PCNX4: variants seen among roughly 807,000 people sequenced by gnomAD.
PCNX4 encodes the protein pecanex 4, also known as pecanex-like protein 4.
PCNX4 carries 103 observed loss-of-function variants against 107.2 expected under a neutral mutation model. The ratio of observed to expected loss-of-function variants is 0.96; its 90% CI spans 0.82 to 1.13. PCNX4 has a LOEUF of 1.13. Ranked by LOEUF, PCNX4 falls within the 50% of genes most tolerant of loss-of-function variation. The pLI, the probability that PCNX4 is intolerant of heterozygous loss-of-function variation, is 0.00. For synonymous variants in PCNX4, 541 were observed against 481.7 expected (o/e 1.12, Z -1.61); for missense variants, 1,528 against 1,379.4 (o/e 1.11, Z -1.71).
rs566983215 is a variant in PCNX4, at chr14:60,098,448, A to G, written c.-54+6029A>G. On this transcript the variant is annotated intron_variant, in intron 1 of 10. Coordinates refer to ENST00000406854, the MANE Select transcript of PCNX4 (RefSeq NM_001330177.2). ...AACTTACACTGTGACCTTACAAAAC[A>G]CTCTTATTCAAAAACCCTCCAAAAG... is the stretch of plus-strand genomic sequence containing the variant. Among the ~76,000 whole-genome samples, 6 of 152,116 alleles carry G rather than the reference A, an allele frequency of 3.9e-5. No homozygotes were observed. The South Asian group carries it at 1.2e-3, about 32-fold the overall frequency.
chr14:60,121,815 C>G (rs1379209989), intron 8 of PCNX4, among the ~76,000 whole-genome samples: 1 of 152,142 alleles, frequency 6.6e-6, no homozygotes, highest in African/African-American at 2.4e-5. Context: ...GTCAAGGTCT[C>G]TAGTGACTGG....
chr14:60,101,866 G>C (rs1895538671), intron 1 of PCNX4, among the ~76,000 whole-genome samples: 1 of 151,986 alleles, frequency 6.6e-6, no homozygotes, highest in Non-Finnish European at 1.5e-5. Flanking sequence ...AAGAAAATGT[G>C]GTATAGACAT....
chr14:60,147,487 TTAAA>T lies in PCNX4; in HGVS notation c.*13269_*13272del, dbSNP rs1239763124. On this transcript the variant is annotated 3_prime_UTR_variant, in exon 11 of 11. Coordinates refer to ENST00000406854, the MANE Select transcript of PCNX4 (RefSeq NM_001330177.2). ...ATATTAGATCATCACAATGTATACC[TTAAA>T]TATATATAATTTTTATGTGTCAATT... is the stretch of plus-strand genomic sequence containing the variant. 3.3e-5 allele frequency: 5 copies of T among 152,170 alleles called. No homozygotes were observed. The highest frequency in any genetic ancestry group is 1.2e-4 in the African/African-American group (5 of 41,444). The allele number at this position is 152,170 out of a possible 1,614,324, so 9.4% of individuals were successfully genotyped here. A position where few individuals can be genotyped will look rare whatever the true frequency, so the allele number is the denominator to read the frequency against.
intron 2 of PCNX4, among the ~76,000 whole-genome samples, chr14:60,114,434 C>A (rs1202484222): frequency 6.6e-6 from 1 of 152,192 alleles, no homozygotes; most frequent in African/African-American, 2.4e-5. Flanking sequence ...ATTACTTCCT[C>A]CTCCTTTGCA....
At position 60,146,345 on chromosome 14, in the gene PCNX4, G is replaced by A. The variant is rs1389871633; in HGVS notation, c.*12124G>A. 1 of 151,798 alleles carries A rather than the reference G, an allele frequency of 6.6e-6. No individual in the cohort carries two copies. The highest frequency in any genetic ancestry group is 1.5e-5 in the Non-Finnish European group (1 of 67,958). The allele number at this position is 151,798 out of a possible 1,614,324, so 9.4% of individuals were successfully genotyped here. ...ATTTCTGGAAGTACTACTACAGTGGGACTGAAATTCTCTAGTCCCTGGTCC... is the reference window on the plus strand; with the variant it reads ...ATTTCTGGAAGTACTACTACAGTGGAACTGAAATTCTCTAGTCCCTGGTCC... On this transcript the variant is annotated 3_prime_UTR_variant, in exon 11 of 11. Transcript: ENST00000406854. The surrounding 1 kb of genome is among the most constrained non-coding windows in gnomAD (Gnocchi z 4.9).
Position 60,144,270 on chromosome 14 carries a change from G to A in PCNX4, c.*10049G>A, listed in dbSNP as rs1437896880. 7.2e-5 allele frequency: 11 copies of A among 152,088 alleles called. No individual in the cohort carries two copies. The highest frequency in any genetic ancestry group is 1.6e-4 in the Non-Finnish European group (11 of 68,022). The allele number at this position is 152,088 out of a possible 1,614,324, so 9.4% of individuals were successfully genotyped here. A position where few individuals can be genotyped will look rare whatever the true frequency, so the allele number is the denominator to read the frequency against. On this transcript the variant is annotated 3_prime_UTR_variant, in exon 11 of 11. Transcript: ENST00000406854. ...TCATTTCAAATACTTCTTTATATCT[G>A]GTCATTACCCAGCACTCTGCTTTGT...
At position 60,145,221 on chromosome 14, in the gene PCNX4, T is replaced by C; in HGVS notation, c.*11000T>C. The C allele has an allele frequency of 2.4e-6, 1 of 411,856 alleles. No homozygotes were observed. The highest frequency in any genetic ancestry group is 4.2e-6 in the Non-Finnish European group (1 of 236,634). The allele number at this position is 411,856 out of a possible 1,614,324, so 25.5% of individuals were successfully genotyped here. A position where few individuals can be genotyped will look rare whatever the true frequency, so the allele number is the denominator to read the frequency against. Reference sequence around the variant, plus strand: ...AAAAGTACTTCTAATGAGTTTAGCATCATCTCTGGTTTAGAGGAGGTATAA... The same window carrying C: ...AAAAGTACTTCTAATGAGTTTAGCACCATCTCTGGTTTAGAGGAGGTATAA... On this transcript the variant is annotated 3_prime_UTR_variant, in exon 11 of 11. Transcript: ENST00000406854. The surrounding 1 kb of genome is among the most constrained non-coding windows in gnomAD (Gnocchi z 4.0).
At chr14:60,119,530 A>T (rs888732709) in intron 7 of PCNX4, among the ~76,000 whole-genome samples, 1 of 152,206 alleles carries the variant, frequency 6.6e-6, no homozygotes, top group Non-Finnish European at 1.5e-5. Context: ...ATTATGTGAG[A>T]TGATTTATGA....
intron 7 of PCNX4, among the ~76,000 whole-genome samples, chr14:60,120,296 G>A (rs1342702630): frequency 2.0e-5 from 3 of 152,146 alleles, no homozygotes; most frequent in Non-Finnish European, 2.9e-5. Flanking sequence ...CAATGCCCAG[G>A]GCTTTTACTG....
chr14:60,121,828 C>G (rs1300022306), intron 8 of PCNX4, among the ~76,000 whole-genome samples: 1 of 152,172 alleles, frequency 6.6e-6, no homozygotes, highest in Non-Finnish European at 1.5e-5. Context: ...GTGACTGGCA[C>G]ATTGCTAAGT....
At chr14:60,123,413 C>T (rs1317498197) in intron 8 of PCNX4, among the ~76,000 whole-genome samples, 1 of 152,020 alleles carries the variant, frequency 6.6e-6, no homozygotes, top group Non-Finnish European at 1.5e-5. Context: ...GGGTAGGTGA[C>T]CTGCTCAAGT....
At chr14:60,108,639 A>G (rs1895676873) in intron 2 of PCNX4, 2 of 196,106 alleles carry the variant, frequency 1.0e-5, no homozygotes, top group Admixed American at 1.2e-4. Flanking sequence ...GTGTAAGGAG[A>G]TGGAACTTTC....
rs76138981 is a variant in PCNX4 at position 60,121,993 on chromosome 14, A to T, written c.2046+694A>T. Among the ~76,000 whole-genome samples, 467 of 152,300 alleles carry T rather than the reference A, an allele frequency of 3.1e-3. 4 individuals are homozygous for T. The highest frequency in any genetic ancestry group is 0.011 in the African/African-American group (447 of 41,570). On this transcript the variant is annotated intron_variant, in intron 8 of 10. Transcript: ENST00000406854. ...TTAACACAAGGGTGTCCCAGAGCCT[A>T]GTAGTCCTTGCTGACAACTCTGTCC... is the stretch of plus-strand genomic sequence containing the variant.
chr14:60,118,670 T>C lies in PCNX4; in HGVS notation c.1920T>C (p.Thr640=). 1 of 1,579,438 alleles carries C rather than the reference T, an allele frequency of 6.3e-7. No individual in the cohort carries two copies. The highest frequency in any genetic ancestry group is 8.6e-7 in the Non-Finnish European group (1 of 1,158,330). ...MVPRLTAVLQ[T]AMAAGSLGLL... is the part of the protein sequence containing the mutation. ...CCAGGTTGACTGCTGTACTGCAGAC[T>C]GCAATGGCAGCTGGAAGTTTAGGTA... is the stretch of plus-strand genomic sequence containing the variant. Residue 640 remains threonine (T), a synonymous_variant, in exon 7 of 11, where the codon ACT becomes ACC. Coordinates refer to ENST00000406854, the MANE Select transcript of PCNX4 (RefSeq NM_001330177.2).
intron 1 of PCNX4, among the ~76,000 whole-genome samples, chr14:60,097,526 A>T (rs764629816): frequency 1.2e-4 from 18 of 152,236 alleles, no homozygotes; most frequent in Non-Finnish European, 2.1e-4. Context: ...TAGCAGGAAT[A>T]ACTGTTACTA....
At chr14:60,105,603 A>G (rs1895614197) in intron 1 of PCNX4, among the ~76,000 whole-genome samples, 1 of 152,176 alleles carries the variant, frequency 6.6e-6, no homozygotes, top group Non-Finnish European at 1.5e-5. Context: ...GCAGCTTTCC[A>G]TGTTTCTACA....
chr14:60,094,800 C>T (rs1200169406), intron 1 of PCNX4, among the ~76,000 whole-genome samples: 1 of 135,308 alleles, frequency 7.4e-6, no homozygotes, highest in African/African-American at 2.6e-5. Context: ...TCCCACCTTC[C>T]CTTTAAAAAA....
At chr14:60,108,423 G>T (rs1484717209) in intron 2 of PCNX4, 96 bp downstream of exon 2, 6 of 931,628 alleles carry the variant, frequency 6.4e-6, no homozygotes, top group Non-Finnish European at 9.6e-6. Context: ...TGAATCCATG[G>T]ATTAAAAATC....
rs544176118 is a variant in PCNX4 at position 60,114,648 on chromosome 14, G to T, written c.690-52G>T. 4.0e-5 allele frequency: 57 copies of T among 1,430,074 alleles called. 1 individual carries two copies. In the South Asian group the frequency reaches 7.3e-4, roughly 18 times the overall value. 88.6% of individuals were successfully genotyped at this position (1,430,074 alleles called of 1,614,324 possible). On this transcript the variant is annotated intron_variant, in intron 2 of 10. Transcript: ENST00000406854. ...TGTGTTGCTTTGCTTTTTCTTAAAA[G>T]ATCCTCTTCTATATATTTCGTGTGA... is the stretch of plus-strand genomic sequence containing the variant.
Sources: gnomAD v4.1 joint callset for allele counts (sites outside exome capture counted in the v4.1 genomes callset) on GRCh38, gnomAD v4.1.1 for gene constraint, Gnocchi (gnomAD v3.1) non-coding constraint, MANE v1.5 for transcripts, NCBI Gene and HGNC (gene_info 2026-07-23, HGNC 2026-07-21) for gene names.